The following TJP1 variants were observed in gnomAD, a reference collection of about 807,000 sequenced individuals.
TJP1 encodes the protein tight junction protein ZO-1.
Under a neutral mutation model 194.2 loss-of-function variants are expected in TJP1, and 43 were observed. The ratio of observed to expected loss-of-function variants is 0.22; its 90% CI spans 0.17 to 0.29. The LOEUF (loss-of-function observed/expected upper bound fraction) is 0.29. Ranked by LOEUF, TJP1 falls within the 10% of genes least tolerant of loss-of-function variation. TJP1 has a pLI of 1.00. For synonymous variants in TJP1, 801 were observed against 779.0 expected, an observed-to-expected ratio of 1.03 and a Z score of -0.47; for missense variants, 1,971 against 2,185.7, an observed-to-expected ratio of 0.90 and a Z score of 1.96.
At chr15:29,878,615 C>T (rs920400077) in intron 2 of TJP1, among the ~76,000 whole-genome samples, 1 of 152,008 alleles carries the variant, frequency 6.6e-6, no homozygotes, top group Non-Finnish European at 1.5e-5. Flanking sequence ...AAGGAGCCTC[C>T]GGAAGCCCAG....
chr15:29,838,390 A>G (rs750928425), intron 2 of TJP1, among the ~76,000 whole-genome samples: 41 of 152,114 alleles, frequency 2.7e-4, no homozygotes, highest in Admixed American at 5.9e-4. Flanking sequence ...GCACCACCGC[A>G]CTCCAGCCTG....
chr15:29,910,202 G>A (rs928445549), intron 2 of TJP1, among the ~76,000 whole-genome samples: 15 of 152,062 alleles, frequency 9.9e-5, no homozygotes, highest in African/African-American at 3.4e-4. Context: ...GAAACAGAAC[G>A]TTTATACTAA....
rs144046286 is a variant in TJP1 at position 29,891,278 on chromosome 15, G to A, written c.306+64954C>T. Reference sequence around the variant, plus strand: ...TAGGAAAATCCCCAAGGGGAACAGAGCTCTGAAGTCCTCCTACTCTCCAAT... The same window carrying A: ...TAGGAAAATCCCCAAGGGGAACAGAACTCTGAAGTCCTCCTACTCTCCAAT... On this transcript the variant is annotated intron_variant, in intron 2 of 28. Transcript: ENST00000356107. Among the ~76,000 whole-genome samples the A allele has an allele frequency of 8.3e-4, 127 of 152,344 alleles. 1 individual carries two copies. Among genetic ancestry groups the A allele is most frequent in the African/African-American group, 3.0e-3 (123 of 41,588 alleles).
intron 1 of TJP1, chr15:29,968,541 G>C (rs1264865630): frequency 2.4e-5 from 19 of 801,922 alleles, no homozygotes; most frequent in East Asian, 2.5e-4. Flanking sequence ...GCGTCCCGTC[G>C]GGCCCGACAG....
At chr15:29,794,890 C>G (rs971845196) in intron 2 of TJP1, among the ~76,000 whole-genome samples, 1 of 151,752 alleles carries the variant, frequency 6.6e-6, no homozygotes, top group Non-Finnish European at 1.5e-5. Context: ...ATCAATGAAA[C>G]AGAAAACAGA....
intron 2 of TJP1, among the ~76,000 whole-genome samples, chr15:29,798,799 A>G (rs1233535519): frequency 3.9e-5 from 6 of 152,240 alleles, no homozygotes; most frequent in African/African-American, 1.4e-4. Flanking sequence ...ACAATTATAC[A>G]TTCATACAAT....
rs1310948859 is a variant in TJP1 at position 29,890,450 on chromosome 15, T to C, written c.306+65782A>G. 3.9e-5 allele frequency among the ~76,000 whole-genome samples: 6 copies of C among 152,268 alleles called. No homozygotes were observed. In the East Asian group the frequency reaches 9.7e-4, roughly 25 times the overall value. The stretch of plus-strand genomic sequence containing the variant: ...GCGCAGTGAATTACTCCCACTGCAA[T>C]GAAAAGCAATTACATATGTTTCTGT... On this transcript the variant is annotated intron_variant, in intron 2 of 28. Coordinates refer to the TJP1 transcript ENST00000356107.
intron 2 of TJP1, among the ~76,000 whole-genome samples, chr15:29,925,455 G>A (rs1260034074): frequency 6.6e-6 from 1 of 152,212 alleles, no homozygotes; most frequent in East Asian, 1.9e-4. Context: ...AGACACTCAG[G>A]CGCTACTCCT....
chr15:29,766,158 A>T, intron 5 of TJP1, 108 bp downstream of exon 5: 1 of 1,429,644 alleles, frequency 7.0e-7, no homozygotes, highest in Non-Finnish European at 9.4e-7. Context: ...TAGAACACAA[A>T]CACAAAGACA....
chr15:29,796,835 A>T (rs1481140179), intron 2 of TJP1, among the ~76,000 whole-genome samples: 1 of 152,226 alleles, frequency 6.6e-6, no homozygotes, highest in Non-Finnish European at 1.5e-5. Context: ...ACAGATCAAC[A>T]GACCAGACAA....
intron 8 of TJP1, 200 bp from the exon 9 acceptor site, chr15:29,742,981 C>T (rs1398331637): frequency 1.5e-5 from 6 of 396,598 alleles, no homozygotes; most frequent in East Asian, 3.9e-5. Context: ...GTAATAAAAT[C>T]GAAAATGAAG....
At chr15:29,959,066 T>C (rs2056060239) in intron 1 of TJP1, among the ~76,000 whole-genome samples, 1 of 151,472 alleles carries the variant, frequency 6.6e-6, no homozygotes, top group Non-Finnish European at 1.5e-5. Flanking sequence ...CTCACCTCAC[T>C]GCAAGCTCCG....
intron 4 of TJP1, among the ~76,000 whole-genome samples, chr15:29,769,667 G>C (rs1219685101): frequency 6.6e-6 from 1 of 152,204 alleles, no homozygotes; most frequent in Non-Finnish European, 1.5e-5. Context: ...TATCACAATG[G>C]AGCTGAAAAT....
chr15:29,913,463 A>G (rs1014232992), intron 2 of TJP1, among the ~76,000 whole-genome samples: 1 of 152,224 alleles, frequency 6.6e-6, no homozygotes, highest in Non-Finnish European at 1.5e-5. Flanking sequence ...ACACATTTGT[A>G]CATACACACA....
intron 2 of TJP1, among the ~76,000 whole-genome samples, chr15:29,871,496 C>T (rs1224731715): frequency 6.6e-6 from 1 of 152,236 alleles, no homozygotes; most frequent in African/African-American, 2.4e-5. Flanking sequence ...GAGACTTGCT[C>T]ATCAGAAGCC....
At chr15:29,904,279 T>C (rs1462712450) in intron 2 of TJP1, among the ~76,000 whole-genome samples, 1 of 152,104 alleles carries the variant, frequency 6.6e-6, no homozygotes, top group African/African-American at 2.4e-5. Context: ...ACCAGGTGGA[T>C]ACAGAGAAAC....
At chr15:29,762,215 C>G in intron 6 of TJP1, 120 bp downstream of exon 6, 5 of 735,840 alleles carry the variant, frequency 6.8e-6, no homozygotes, top group Non-Finnish European at 1.1e-5. Flanking sequence ...TCCCTCTCCC[C>G]CAAACACTGA....
At chr15:29,834,982 T>C (rs1016204184) in intron 2 of TJP1, among the ~76,000 whole-genome samples, 2 of 152,202 alleles carry the variant, frequency 1.3e-5, no homozygotes, top group Non-Finnish European at 2.9e-5. Context: ...AAGAACCTGA[T>C]GGAAATAATC....
At chr15:29,713,747 C>A (rs543138917) in intron 23 of TJP1, among the ~76,000 whole-genome samples, 2 of 152,176 alleles carry the variant, frequency 1.3e-5, no homozygotes, top group Non-Finnish European at 2.9e-5. Flanking sequence ...TCTTCCATGA[C>A]CCTTATTCTC....
Sources: gnomAD v4.1 joint callset for allele counts (sites outside exome capture counted in the v4.1 genomes callset) on GRCh38, gnomAD v4.1.1 for gene constraint, MANE v1.5 for transcripts, NCBI Gene and HGNC (gene_info 2026-07-23, HGNC 2026-07-21) for gene names.